The following C2CD2 variants were observed in gnomAD, a reference collection of about 807,000 sequenced individuals.
The protein encoded by C2CD2 is C2 domain-containing protein 2.
Under a neutral mutation model 74.3 loss-of-function variants are expected in C2CD2, and 43 were observed. That is an observed-to-expected ratio of 0.58 (90% confidence interval 0.45 to 0.75). The LOEUF is 0.75. Among genes scored for constraint, C2CD2 ranks in the 30% least tolerant of loss-of-function variants. The probability of loss-of-function intolerance (pLI) is 0.00; values close to 1 mark genes in which losing one functional copy is unlikely to be tolerated. For synonymous variants in C2CD2, 422 were observed against 390.7 expected (o/e 1.08, Z -0.94); for missense variants, 801 against 916.3 (o/e 0.87, Z 1.63).
At chr21:41,894,770 A>G in intron 13 of C2CD2, 1 of 456,788 alleles carries the variant, frequency 2.2e-6, no homozygotes, top group Non-Finnish European at 4.4e-6. Context: ...ACTTGGAAGC[A>G]GATTGTTCAC....
chr21:41,941,385 A>G (rs2065353034), intron 2 of C2CD2, among the ~76,000 whole-genome samples: 1 of 152,128 alleles, frequency 6.6e-6, no homozygotes, highest in Non-Finnish European at 1.5e-5. Context: ...GCCAAAAAAG[A>G]GAGAGAGAAA....
chr21:41,896,424 C>T (rs1019630473), intron 13 of C2CD2, among the ~76,000 whole-genome samples: 3 of 151,988 alleles, frequency 2.0e-5, no homozygotes, highest in South Asian at 2.1e-4. Context: ...GTTTTTTTTC[C>T]GAAAACCTCC....
At position 41,953,412 on chromosome 21, in the gene C2CD2, C is replaced by A. The variant is rs546181658; in HGVS notation, c.237G>T (p.Ala79=). 2.1e-6 allele frequency: 3 copies of A among 1,426,712 alleles called. No homozygotes were observed. The highest frequency in any genetic ancestry group is 5.7e-5 in the East Asian group (2 of 35,010). 88.4% of individuals were successfully genotyped at this position (1,426,712 alleles called of 1,614,324 possible). A position where few individuals can be genotyped will look rare whatever the true frequency, so the allele number is the denominator to read the frequency against. The change falls in exon 1 of 14, where the codon GCG becomes GCT. Residue 79 remains alanine, a synonymous_variant. Transcript: ENST00000380486. Reference sequence around the variant, plus strand: ...CCTCGTTCAGGGCGGTCACCCAGGCCGCCTGCCACTGGCTCCTCCAGCTGC... The same window carrying A: ...CCTCGTTCAGGGCGGTCACCCAGGCAGCCTGCCACTGGCTCCTCCAGCTGC... ...TLGSWRSQWQ[A]AWVTALNEEA...
intron 5 of C2CD2, among the ~76,000 whole-genome samples, chr21:41,916,664 TACAC>T (rs10580778): frequency 0.11 from 15,194 of 144,564 alleles, 1,498 homozygotes; most frequent in African/African-American, 0.27. Context: ...GTGAGCTGAT[TACAC>T]ACACACACAC....
chr21:41,928,221 T>C (rs1180571791), intron 2 of C2CD2, among the ~76,000 whole-genome samples: 1 of 152,208 alleles, frequency 6.6e-6, no homozygotes, highest in Admixed American at 6.5e-5. Context: ...CCCCATGCTC[T>C]GTATTCCGAC....
At chr21:41,928,565 A>AAAAAAC (rs2065236321) in intron 2 of C2CD2, among the ~76,000 whole-genome samples, 1 of 151,108 alleles carries the variant, frequency 6.6e-6, no homozygotes, top group Non-Finnish European at 1.5e-5. Context: ...AAAAAAAAAA[A>AAAAAAC]AAAGACAACT....
At chr21:41,952,605 T>A (rs1328410195) in intron 1 of C2CD2, among the ~76,000 whole-genome samples, 1 of 152,120 alleles carries the variant, frequency 6.6e-6, no homozygotes, top group Non-Finnish European at 1.5e-5. Flanking sequence ...AAAGCAAAAA[T>A]AAGTCAACGA....
intron 1 of C2CD2, chr21:41,953,073 C>G: frequency 2.9e-6 from 1 of 348,994 alleles, no homozygotes; most frequent in Non-Finnish European, 5.2e-6. Flanking sequence ...AAGGCAGGTA[C>G]TGGCTGGCGC....
chr21:41,911,171 G>A (rs888322921), intron 7 of C2CD2, among the ~76,000 whole-genome samples: 1 of 152,052 alleles, frequency 6.6e-6, no homozygotes, highest in African/African-American at 2.4e-5. Flanking sequence ...TTGGACATAT[G>A]TAGAGAAAAT....
rs930352922 is a variant in C2CD2, at chr21:41,892,892, A to G, written c.1871-3548T>C. On this transcript the variant is annotated intron_variant, in intron 13 of 13. Coordinates refer to ENST00000380486, the MANE Select transcript of C2CD2 (RefSeq NM_015500.2). This position sits in a 1 kb window ranked among gnomAD's most constrained non-coding sequence, Gnocchi z 4.6. ...CGGCAGACCACAGGGCTGTGTGGGT[A>G]GAAGCTGACGCAGCCCACCCGCAGG... Among the ~76,000 whole-genome samples, 1 of 152,254 alleles carries G rather than the reference A, an allele frequency of 6.6e-6. No homozygotes were observed. The highest frequency in any genetic ancestry group is 1.5e-5 in the Non-Finnish European group (1 of 68,042).
chr21:41,910,162 T>C (rs1354467657), intron 7 of C2CD2, among the ~76,000 whole-genome samples: 1 of 152,194 alleles, frequency 6.6e-6, no homozygotes, highest in Non-Finnish European at 1.5e-5. Context: ...CTGAAAATTT[T>C]GTGGATGTCT....
At chr21:41,921,521 T>C (rs2065153785) in intron 3 of C2CD2, among the ~76,000 whole-genome samples, 1 of 152,248 alleles carries the variant, frequency 6.6e-6, no homozygotes. Context: ...ACTAATTTTT[T>C]AACTTATAAA....
intron 8 of C2CD2, 107 bp from the exon 9 acceptor site, chr21:41,907,891 TC>T: frequency 8.6e-7 from 1 of 1,157,386 alleles, no homozygotes; most frequent in Non-Finnish European, 1.3e-6. Flanking sequence ...CTCCCGTGCA[TC>T]CAGCCCACGG....
At chr21:41,948,870 C>CTTTTTTTGT (rs2065424660) in intron 1 of C2CD2, among the ~76,000 whole-genome samples, 1 of 80,686 alleles carries the variant, frequency 1.2e-5, no homozygotes, top group Non-Finnish European at 2.3e-5. Context: ...CACACAGCAT[C>CTTTTTTTGT]TTTTTTTTTT....
At chr21:41,919,065 T>C (rs1435211137) in intron 3 of C2CD2, 105 bp from the exon 4 acceptor site, 13 of 774,720 alleles carry the variant, frequency 1.7e-5, no homozygotes, top group Non-Finnish European at 2.9e-5. Context: ...CATATATGCA[T>C]GTGAGCATGT....
chr21:41,914,552 G>A (rs771655161), intron 6 of C2CD2, 46 bp downstream of exon 6: 22 of 1,593,314 alleles, frequency 1.4e-5, no homozygotes, highest in Non-Finnish European at 1.7e-5. Context: ...TCTGCTCAGG[G>A]GCTGGAAGAG....
In C2CD2 at chr21:41,899,018, G is replaced by T. The variant is rs753131813; in HGVS notation, c.1870+35C>A. ...CAGCATGAGCGCAAAGCCACCAAGT[G>T]GGGGGCCCGGGATGGGGGGCTCGGG... is the stretch of plus-strand genomic sequence containing the variant. On this transcript the variant is annotated intron_variant, in intron 13 of 13. Coordinates refer to ENST00000380486, the MANE Select transcript of C2CD2 (RefSeq NM_015500.2). This position sits in a 1 kb window ranked among gnomAD's most constrained non-coding sequence, Gnocchi z 4.4. 2.6e-6 allele frequency: 4 copies of T among 1,545,932 alleles called. No homozygotes were observed. Among genetic ancestry groups the T allele is most frequent in the Admixed American group, 3.4e-5 (2 of 59,106 alleles).
intron 1 of C2CD2, among the ~76,000 whole-genome samples, chr21:41,949,262 C>T (rs2065430647): frequency 6.6e-6 from 1 of 152,158 alleles, no homozygotes; most frequent in Admixed American, 6.5e-5. Context: ...AACTGATTAT[C>T]ATGGACCACT....
intron 13 of C2CD2, among the ~76,000 whole-genome samples, chr21:41,891,711 G>A (rs1269488746): frequency 2.6e-5 from 4 of 152,148 alleles, no homozygotes; most frequent in Non-Finnish European, 5.9e-5. Context: ...CAGGGGAGAG[G>A]AAGGGGTGGA....
Sources: gnomAD v4.1 joint callset for allele counts (sites outside exome capture counted in the v4.1 genomes callset) on GRCh38, gnomAD v4.1.1 for gene constraint, Gnocchi (gnomAD v3.1) non-coding constraint, MANE v1.5 for transcripts, NCBI Gene and HGNC (gene_info 2026-07-23, HGNC 2026-07-21) for gene names.